CADM2: variants seen among roughly 807,000 people sequenced by gnomAD.
CADM2 encodes the protein cell adhesion molecule 2, also known as immunoglobulin superfamily member 4D.
A neutral mutation model predicts 49.8 loss-of-function variants in CADM2; 12 were observed. That is an observed-to-expected ratio of 0.24 (90% CI 0.15 to 0.39). CADM2 has a LOEUF of 0.39. Ranked by LOEUF, CADM2 falls within the 10% of genes least tolerant of loss-of-function variation. The pLI, the probability that CADM2 is intolerant of heterozygous loss-of-function variation, is 1.00. For missense variants in CADM2, 378 were observed against 492.3 expected, an observed-to-expected ratio of 0.77 and a Z score of 2.20; for synonymous variants, 214 against 175.4, an observed-to-expected ratio of 1.22 and a Z score of -1.74.
At chr3:85,986,996 C>A (rs951027510) in intron 8 of CADM2, among the ~76,000 whole-genome samples, 1 of 151,886 alleles carries the variant, frequency 6.6e-6, no homozygotes, top group Non-Finnish European at 1.5e-5. Context: ...TTCTAATAGA[C>A]CTTATTTGGT....
chr3:86,066,460 T>C (rs1291745330), intron 9 of CADM2, among the ~76,000 whole-genome samples: 2 of 151,852 alleles, frequency 1.3e-5, no homozygotes, highest in South Asian at 4.2e-4. Flanking sequence ...TCAGTTTGGC[T>C]CTTGCCTGTA....
At chr3:85,940,916 C>T (rs1157021374) in intron 7 of CADM2, among the ~76,000 whole-genome samples, 4 of 150,684 alleles carry the variant, frequency 2.7e-5, no homozygotes, top group African/African-American at 1.0e-4. Flanking sequence ...AAAGATTTCT[C>T]CTATACCCCC....
At chr3:85,877,617 T>C (rs1712081885) in intron 3 of CADM2, among the ~76,000 whole-genome samples, 1 of 151,850 alleles carries the variant, frequency 6.6e-6, no homozygotes, top group Non-Finnish European at 1.5e-5. Context: ...TTAAAAAATT[T>C]GTGTAGCATG....
At chr3:85,869,907 C>T (rs1297989177) in intron 3 of CADM2, among the ~76,000 whole-genome samples, 5 of 152,122 alleles carry the variant, frequency 3.3e-5, no homozygotes, top group Admixed American at 6.5e-5. Flanking sequence ...GTGATCCTCC[C>T]GCCTTGGCCT....
At chr3:85,050,408 A>G (rs536589342) in intron 1 of CADM2, among the ~76,000 whole-genome samples, 15 of 152,300 alleles carry the variant, frequency 9.8e-5, no homozygotes, top group Admixed American at 7.9e-4. Context: ...CAAAAACTTC[A>G]AAGTTTGCTA....
chr3:85,579,758 C>G (rs1444207111), intron 1 of CADM2, among the ~76,000 whole-genome samples: 1 of 151,884 alleles, frequency 6.6e-6, no homozygotes, highest in Admixed American at 6.6e-5. Context: ...CAATACAGGT[C>G]TCTAATTCAT....
chr3:86,062,592 A>G (rs1041504322), intron 8 of CADM2, among the ~76,000 whole-genome samples: 2 of 151,926 alleles, frequency 1.3e-5, no homozygotes, highest in African/African-American at 2.4e-5. Context: ...AGCCTGGCCA[A>G]CATGGTGAAA....
chr3:85,342,131 T>A lies in CADM2; in HGVS notation c.61+382463T>A, dbSNP rs2029909904. On this transcript the variant is annotated intron_variant, in intron 1 of 9. Coordinates refer to ENST00000383699, the MANE Select transcript of CADM2 (RefSeq NM_001167675.2). ...CTATCCATCTGACAAAGGGCTAATA[T>A]CTGGAATCTAAAAAGATATTTAAAA... is the stretch of plus-strand genomic sequence containing the variant. 2.0e-5 allele frequency among the ~76,000 whole-genome samples: 3 copies of A among 151,884 alleles called. No individual in the cohort carries two copies. The South Asian group carries it at 6.2e-4, about 31-fold the overall frequency.
chr3:85,975,956 A>C (rs1012789274), intron 8 of CADM2, among the ~76,000 whole-genome samples: 1 of 151,562 alleles, frequency 6.6e-6, no homozygotes, highest in Non-Finnish European at 1.5e-5. Context: ...ATGTTACCAT[A>C]TAAGGCATAT....
At chr3:85,226,905 A>G (rs1263865824) in intron 1 of CADM2, among the ~76,000 whole-genome samples, 1 of 152,148 alleles carries the variant, frequency 6.6e-6, no homozygotes, top group East Asian at 1.9e-4. Context: ...ATTCAGGAGC[A>G]GGTTGTTCAG....
chr3:85,157,836 A>G (rs1201220910), intron 1 of CADM2, among the ~76,000 whole-genome samples: 1 of 152,228 alleles, frequency 6.6e-6, no homozygotes, highest in Non-Finnish European at 1.5e-5. Flanking sequence ...CAAAATTGAC[A>G]AATGGGATCT....
intron 1 of CADM2, among the ~76,000 whole-genome samples, chr3:85,373,297 G>C (rs1356782767): frequency 6.6e-6 from 1 of 152,158 alleles, no homozygotes; most frequent in Non-Finnish European, 1.5e-5. Flanking sequence ...CGGAAATTTA[G>C]TGCACCAGTC....
At chr3:85,411,039 C>T (rs2035632174) in intron 1 of CADM2, among the ~76,000 whole-genome samples, 1 of 152,160 alleles carries the variant, frequency 6.6e-6, no homozygotes, top group Admixed American at 6.5e-5. Flanking sequence ...AGTATTTAAG[C>T]CATACTTTGA....
chr3:85,863,574 C>T (rs920222276), intron 3 of CADM2, among the ~76,000 whole-genome samples: 6 of 152,154 alleles, frequency 3.9e-5, no homozygotes, highest in African/African-American at 1.4e-4. Context: ...TGCTCTTCTG[C>T]CCCAGGATAA....
intron 1 of CADM2, among the ~76,000 whole-genome samples, chr3:85,577,439 G>C (rs1311870340): frequency 1.3e-5 from 2 of 152,056 alleles, no homozygotes; most frequent in African/African-American, 4.8e-5. Flanking sequence ...TCTCGCACGT[G>C]CTCTCTTGCC....
At chr3:85,508,751 C>T (rs2040473049) in intron 1 of CADM2, among the ~76,000 whole-genome samples, 1 of 151,858 alleles carries the variant, frequency 6.6e-6, no homozygotes, top group Non-Finnish European at 1.5e-5. Flanking sequence ...GATTTTAAAA[C>T]CTGAGTGCAA....
intron 5 of CADM2, among the ~76,000 whole-genome samples, chr3:85,901,655 T>C (rs1274754410): frequency 6.6e-6 from 1 of 152,194 alleles, no homozygotes; most frequent in East Asian, 1.9e-4. Context: ...AAACATTATT[T>C]AGATATAATT....
chr3:85,057,580 AT>A lies in CADM2; in HGVS notation c.61+97919del, dbSNP rs200619431. 6.7e-3 allele frequency among the ~76,000 whole-genome samples: 1,023 copies of A among 152,126 alleles called. 10 individuals carry two copies. Among genetic ancestry groups the A allele is most frequent in the African/African-American group, 0.022 (915 of 41,528 alleles). On this transcript the variant is annotated intron_variant, in intron 1 of 9. Coordinates refer to ENST00000383699, the MANE Select transcript of CADM2 (RefSeq NM_001167675.2). ...GATGTGATACCGTTTGTTTCTTGAG[AT>A]TTTTTTCTTTGTCATTAACATGTTT...
At chr3:85,439,524 TTCTTC>T (rs1391366824) in intron 1 of CADM2, among the ~76,000 whole-genome samples, 2 of 152,162 alleles carry the variant, frequency 1.3e-5, no homozygotes, top group Non-Finnish European at 2.9e-5. Context: ...TGCAAACAAA[TTCTTC>T]TATTTTTTTG....
Sources: allele counts gnomAD v4.1 joint callset (sites outside exome capture counted in the v4.1 genomes callset), GRCh38; gene constraint gnomAD v4.1.1; transcripts MANE v1.5; gene names NCBI Gene and HGNC (gene_info 2026-07-23, HGNC 2026-07-21).